CSMD3: variants seen among roughly 807,000 people sequenced by gnomAD.
The protein encoded by CSMD3 is CUB and sushi domain-containing protein 3.
A neutral mutation model predicts 435.2 loss-of-function variants in CSMD3; 177 were observed. The observed-to-expected ratio is 0.41, with a 90% confidence interval of 0.36 to 0.46. The LOEUF (loss-of-function observed/expected upper bound fraction) is 0.46, where lower values mean the gene tolerates loss of function less well. CSMD3 is among the 20% of genes least tolerant of loss of function. The pLI is 0.34. For missense variants in CSMD3, 4,265 were observed against 4,504.6 expected, an observed-to-expected ratio of 0.95 and a Z score of 1.52; for synonymous variants, 1,656 against 1,520.5, an observed-to-expected ratio of 1.09 and a Z score of -2.07.
intron 45 of CSMD3, among the ~76,000 whole-genome samples, chr8:112,323,207 GAAGACC>G (rs1823167276): frequency 6.6e-6 from 1 of 151,946 alleles, no homozygotes; most frequent in Non-Finnish European, 1.5e-5. Context: ...TTTGACTTTT[GAAGACC>G]AAGCACTACA....
At chr8:112,922,161 T>G (rs919550364) in intron 9 of CSMD3, among the ~76,000 whole-genome samples, 21 of 152,210 alleles carry the variant, frequency 1.4e-4, no homozygotes, top group African/African-American at 5.1e-4. Context: ...AAACATGCAT[T>G]TAATGTATTT....
At chr8:113,063,955 T>C (rs1327028851) in intron 5 of CSMD3, among the ~76,000 whole-genome samples, 1 of 151,630 alleles carries the variant, frequency 6.6e-6, no homozygotes, top group Non-Finnish European at 1.5e-5. Flanking sequence ...AAAAGGACTA[T>C]AATAAATAGT....
chr8:112,940,684 A>G (rs947128609), intron 9 of CSMD3, among the ~76,000 whole-genome samples: 1 of 151,848 alleles, frequency 6.6e-6, no homozygotes, highest in Non-Finnish European at 1.5e-5. Flanking sequence ...CTAGGAGAGT[A>G]GAGCACAAAT....
intron 13 of CSMD3, among the ~76,000 whole-genome samples, chr8:112,797,217 C>G (rs569512642): frequency 6.6e-6 from 1 of 151,948 alleles, no homozygotes; most frequent in African/African-American, 2.4e-5. Flanking sequence ...CAGTCATTTT[C>G]AAACTATATG....
At chr8:112,666,453 C>A (rs749049884) in intron 16 of CSMD3, 38 bp from the exon 17 acceptor site, 1 of 1,585,096 alleles carries the variant, frequency 6.3e-7, no homozygotes, top group Non-Finnish European at 8.6e-7. Context: ...ATAAAACATT[C>A]AAGATAAATC....
At chr8:113,367,288 A>G (rs757028522) in intron 1 of CSMD3, among the ~76,000 whole-genome samples, 40 of 152,018 alleles carry the variant, frequency 2.6e-4, no homozygotes, top group Non-Finnish European at 1.5e-4. Context: ...CTGGAATAAC[A>G]TATTCTTTTT....
At chr8:112,697,284 T>C (rs1163834511) in intron 13 of CSMD3, among the ~76,000 whole-genome samples, 3 of 152,284 alleles carry the variant, frequency 2.0e-5, no homozygotes, top group East Asian at 3.9e-4. Flanking sequence ...ATCCATATGT[T>C]TATTGCAGCA....
chr8:113,251,203 G>T (rs1011477441), intron 3 of CSMD3, among the ~76,000 whole-genome samples: 1 of 151,818 alleles, frequency 6.6e-6, no homozygotes, highest in Non-Finnish European at 1.5e-5. Context: ...TTTAATAACC[G>T]GAGTCACTAG....
At chr8:112,259,895 C>A (rs1325621696) in intron 61 of CSMD3, among the ~76,000 whole-genome samples, 2 of 152,096 alleles carry the variant, frequency 1.3e-5, no homozygotes, top group Non-Finnish European at 2.9e-5. Flanking sequence ...TAACTTATTG[C>A]CTAACCTACT....
Position 113,032,440 on chromosome 8 carries a change from T to C in CSMD3, c.918-13261A>G. 1.3e-5 allele frequency among the ~76,000 whole-genome samples: 2 copies of C among 151,668 alleles called. 1 individual carries two copies. Among genetic ancestry groups the C allele is most frequent in the Admixed American group, 1.3e-4 (2 of 15,218 alleles). The stretch of plus-strand genomic sequence containing the variant: ...CTTAGCAAAGACTCTGGTGGTATTT[T>C]GCTTCTGCTCTAGAGATTTATGGAA... On this transcript the variant is annotated intron_variant, in intron 5 of 70. Transcript: ENST00000297405.
At chr8:113,041,216 A>AGGGGG (rs1342276332) in intron 5 of CSMD3, among the ~76,000 whole-genome samples, 1 of 23,780 alleles carries the variant, frequency 4.2e-5, no homozygotes. Flanking sequence ...AAAAAAAAAA[A>AGGGGG]AGGGGGGGGT....
intron 3 of CSMD3, among the ~76,000 whole-genome samples, chr8:113,250,059 G>A (rs1389300928): frequency 6.6e-6 from 1 of 152,094 alleles, no homozygotes; most frequent in Admixed American, 6.6e-5. Context: ...TCTTTTCTAT[G>A]TCCTCTTTAA....
At position 113,185,516 on chromosome 8, in the gene CSMD3, G is replaced by A. The variant is rs868823804; in HGVS notation, c.515-11600C>T. 2.0e-5 allele frequency among the ~76,000 whole-genome samples: 3 copies of A among 151,936 alleles called. No homozygotes were observed. The South Asian group carries it at 6.2e-4, about 32-fold the overall frequency. On this transcript the variant is annotated intron_variant, in intron 3 of 70. Coordinates refer to ENST00000297405, the MANE Select transcript of CSMD3 (RefSeq NM_198123.2). ...CCACTCATGTTGAGTATTAGCACAC[G>A]TCCATGAAGGTGTGTAAGCCAGCCC...
At chr8:112,552,507 A>G (rs1827773296) in intron 26 of CSMD3, 87 bp downstream of exon 26, 1 of 1,341,550 alleles carries the variant, frequency 7.5e-7, no homozygotes, top group Non-Finnish European at 1.0e-6. Flanking sequence ...CAAACAAAAA[A>G]TGAAATAAAT....
At chr8:112,594,342 T>C (rs1229187178) in intron 22 of CSMD3, among the ~76,000 whole-genome samples, 1 of 152,086 alleles carries the variant, frequency 6.6e-6, no homozygotes, top group Non-Finnish European at 1.5e-5. Flanking sequence ...CGAGATTATA[T>C]CCCGCACCCG....
At chr8:112,557,047 T>A in intron 24 of CSMD3, 93 bp from the exon 25 acceptor site, 1 of 792,080 alleles carries the variant, frequency 1.3e-6, no homozygotes, top group Admixed American at 2.0e-5. Context: ...TTTTTGATGA[T>A]TACATACTTA....
chr8:113,309,590 A>C (rs554496122), intron 2 of CSMD3: 1 of 152,278 alleles, frequency 6.6e-6, no homozygotes, highest in East Asian at 1.9e-4. Context: ...AACATTTCTA[A>C]TCCATGGACG....
chr8:112,907,010 A>T (rs1051293319), intron 10 of CSMD3, among the ~76,000 whole-genome samples: 1 of 151,634 alleles, frequency 6.6e-6, no homozygotes, highest in Admixed American at 6.6e-5. Flanking sequence ...GTGAATACTT[A>T]CCTACCAAAT....
rs552183572 is a variant in CSMD3, at chr8:112,248,787, T to C, written c.10111-1656A>G. On this transcript the variant is annotated intron_variant, in intron 63 of 70. Transcript: ENST00000297405. ...AGGCCAGAAATACTAAATTCCAAAATTCTTTATCTGACAACAACCTTTTTT... is the reference window on the plus strand; with the variant it reads ...AGGCCAGAAATACTAAATTCCAAAACTCTTTATCTGACAACAACCTTTTTT... 2.0e-5 allele frequency among the ~76,000 whole-genome samples: 3 copies of C among 152,248 alleles called. No homozygotes were observed. In the South Asian group the frequency reaches 6.2e-4, roughly 32 times the overall value.
Sources: gnomAD v4.1 joint callset for allele counts (sites outside exome capture counted in the v4.1 genomes callset) on GRCh38, gnomAD v4.1.1 for gene constraint, MANE v1.5 for transcripts, NCBI Gene and HGNC (gene_info 2026-07-23, HGNC 2026-07-21) for gene names.